The following MTUS1 variants were observed in gnomAD, a reference collection of about 807,000 sequenced individuals.
MTUS1 encodes microtubule-associated tumor suppressor 1.
MTUS1 carries 109 observed loss-of-function variants against 120.8 expected under a neutral mutation model. That is an observed-to-expected ratio of 0.90 (90% CI 0.77 to 1.06). The LOEUF is 1.06. Ranked by LOEUF, MTUS1 falls within the 50% of genes least tolerant of loss-of-function variation. The pLI is 0.00. For synonymous variants in MTUS1, 737 were observed against 550.5 expected, an observed-to-expected ratio of 1.34 and a Z score of -4.74; for missense variants, 2,210 against 1,486.3, an observed-to-expected ratio of 1.49 and a Z score of -8.01.
chr8:17,795,273 A>C (rs934232038), intron 1 of MTUS1, among the ~76,000 whole-genome samples: 21 of 152,264 alleles, frequency 1.4e-4, no homozygotes, highest in African/African-American at 4.8e-4. Context: ...CTTTCCCAAG[A>C]TTCCCTTTTC....
chr8:17,770,477 G>A (rs1300742715), intron 1 of MTUS1: 1 of 152,176 alleles, frequency 6.6e-6, no homozygotes, highest in Non-Finnish European at 1.5e-5. Flanking sequence ...TTAAGCAAGA[G>A]ATGTCTTATT....
At chr8:17,758,668 C>T (rs2048808808) in intron 1 of MTUS1, among the ~76,000 whole-genome samples, 1 of 152,198 alleles carries the variant, frequency 6.6e-6, no homozygotes, top group Non-Finnish European at 1.5e-5. Context: ...TCCCTAACAG[C>T]TAATACTCAG....
intron 6 of MTUS1, among the ~76,000 whole-genome samples, chr8:17,701,149 T>C (rs914698632): frequency 6.6e-6 from 1 of 152,160 alleles, no homozygotes; most frequent in African/African-American, 2.4e-5. Flanking sequence ...ATCCAACCAA[T>C]CTTCCTTAGC....
At position 17,751,115 on chromosome 8, in the gene MTUS1, G is replaced by C. The variant is rs146666372; in HGVS notation, c.2091+2602C>G. Among the ~76,000 whole-genome samples the C allele has an allele frequency of 6.0e-3, 918 of 152,218 alleles. 7 individuals are homozygous for C. Among genetic ancestry groups the C allele is most frequent in the African/African-American group, 0.02 (847 of 41,532 alleles). On this transcript the variant is annotated intron_variant, in intron 2 of 14. Transcript: ENST00000693296. ...GCGGATCACTTGAGGTCAGGAGTTCGAGACCAGCCTGGCCAACGTGGTGAA... is the reference window on the plus strand; with the variant it reads ...GCGGATCACTTGAGGTCAGGAGTTCCAGACCAGCCTGGCCAACGTGGTGAA...
Position 17,654,643 on chromosome 8 carries a change from A to C in MTUS1, c.3132T>G (p.His1044Gln). 3.1e-6 allele frequency: 5 copies of C among 1,613,998 alleles called. No individual in the cohort carries two copies. Among genetic ancestry groups the C allele is most frequent in the Non-Finnish European group, 3.4e-6 (4 of 1,179,812 alleles). Residue 1044 changes from histidine (H) to glutamine (Q), a missense_variant, in exon 10 of 15, where the codon CAT (histidine) becomes CAG (glutamine). Transcript: ENST00000693296. ...QEQFDNLNAA[H>Q]ETSKLEIEAS... ...CTTCAATTTCCAACTTAGAGGTTTC[A>C]TGCGCAGCATTTAAGTTGTCAAACT...
At chr8:17,753,294 T>C (rs1177093661) in intron 2 of MTUS1, among the ~76,000 whole-genome samples, 1 of 152,196 alleles carries the variant, frequency 6.6e-6, no homozygotes, top group East Asian at 1.9e-4. Context: ...GTCCAGGAGT[T>C]ATTTTTATGT....
chr8:17,785,494 G>C (rs761008731), intron 1 of MTUS1, among the ~76,000 whole-genome samples: 1 of 152,196 alleles, frequency 6.6e-6, no homozygotes, highest in South Asian at 2.1e-4. Context: ...ATTTTGCCAA[G>C]AGGGGCACTT....
At chr8:17,670,854 T>A (rs1188333894) in intron 8 of MTUS1, among the ~76,000 whole-genome samples, 2 of 151,636 alleles carry the variant, frequency 1.3e-5, no homozygotes, top group African/African-American at 2.4e-5. Context: ...ACACTTAACA[T>A]ACACAAATCT....
intron 7 of MTUS1, chr8:17,676,373 C>T (rs1813119618): frequency 1.4e-6 from 1 of 702,548 alleles, no homozygotes; most frequent in Non-Finnish European, 2.6e-6. Context: ...TCGCACTGTG[C>T]AAGAAGCATA....
chr8:17,726,372 C>A (rs2046232078), intron 3 of MTUS1, among the ~76,000 whole-genome samples: 1 of 152,168 alleles, frequency 6.6e-6, no homozygotes, highest in Admixed American at 6.5e-5. Flanking sequence ...TTGTTTCTAT[C>A]ACAGCATTTG....
At chr8:17,685,920 C>T (rs1047121044) in intron 6 of MTUS1, among the ~76,000 whole-genome samples, 1 of 152,040 alleles carries the variant, frequency 6.6e-6, no homozygotes, top group African/African-American at 2.4e-5. Context: ...TAGAAAATAG[C>T]CAAGTTAATA....
intron 8 of MTUS1, among the ~76,000 whole-genome samples, chr8:17,658,543 G>A (rs967083801): frequency 6.6e-6 from 1 of 152,170 alleles, no homozygotes. Flanking sequence ...GGGTACTACT[G>A]TAACTGTCAG....
chr8:17,661,743 G>C (rs57223518), intron 8 of MTUS1, among the ~76,000 whole-genome samples: 8,958 of 152,116 alleles, frequency 0.059, 474 homozygotes, highest in East Asian at 0.24. Flanking sequence ...GGGTCAGATG[G>C]GGGAACAGGA....
At chr8:17,780,665 G>A (rs1467156927) in intron 1 of MTUS1, among the ~76,000 whole-genome samples, 2 of 152,142 alleles carry the variant, frequency 1.3e-5, no homozygotes, top group African/African-American at 2.4e-5. Context: ...CCAGGTCCAA[G>A]CCACCACTGT....
chr8:17,654,622 A>G lies in MTUS1; in HGVS notation c.3153T>C (p.Ile1051=). The change falls in exon 10 of 15, where the codon ATT becomes ATC. Residue 1051 remains isoleucine, a synonymous_variant. Coordinates refer to ENST00000693296, the MANE Select transcript of MTUS1 (RefSeq NM_001363059.2). ...NAAHETSKLE[I]EASHSEKLEL... ...CAAGTTTCTCTGAGTGGCTAGCTTCAATTTCCAACTTAGAGGTTTCATGCG... is the reference window on the plus strand; with the variant it reads ...CAAGTTTCTCTGAGTGGCTAGCTTCGATTTCCAACTTAGAGGTTTCATGCG... 6.2e-7 allele frequency: 1 copy of G among 1,614,196 alleles called. No individual in the cohort carries two copies. The highest frequency in any genetic ancestry group is 1.1e-5 in the South Asian group (1 of 91,084).
At chr8:17,648,154 A>C (rs1438471556) in intron 13 of MTUS1, among the ~76,000 whole-genome samples, 1 of 152,228 alleles carries the variant, frequency 6.6e-6, no homozygotes, top group Non-Finnish European at 1.5e-5. Context: ...GATTATGGGC[A>C]GTGCCGGTTT....
At chr8:17,720,092 C>A (rs1219760709) in intron 4 of MTUS1, among the ~76,000 whole-genome samples, 7 of 152,154 alleles carry the variant, frequency 4.6e-5, no homozygotes, top group Non-Finnish European at 2.9e-5. Flanking sequence ...TGCCTGTAAT[C>A]CCAGCACTCT....
intron 1 of MTUS1, among the ~76,000 whole-genome samples, chr8:17,772,977 A>T (rs922752756): frequency 1.3e-5 from 2 of 152,260 alleles, no homozygotes; most frequent in Non-Finnish European, 2.9e-5. Context: ...TTCAGAAGAA[A>T]AACTACTATG....
intron 1 of MTUS1, among the ~76,000 whole-genome samples, chr8:17,768,460 C>A (rs778376591): frequency 2.6e-5 from 4 of 152,022 alleles, no homozygotes; most frequent in Admixed American, 6.6e-5. Context: ...AAAACACACA[C>A]ATTTAAGACT....
Sources: allele counts gnomAD v4.1 joint callset (sites outside exome capture counted in the v4.1 genomes callset), GRCh38; gene constraint gnomAD v4.1.1; transcripts MANE v1.5; gene names NCBI Gene and HGNC (gene_info 2026-07-23, HGNC 2026-07-21).